ERG: variants seen among roughly 807,000 people sequenced by gnomAD.
The protein encoded by ERG is transcriptional regulator ERG.
In ERG, 9 loss-of-function variants were observed where a neutral mutation model predicts 55.3. The ratio of observed to expected loss-of-function variants is 0.16; its 90% confidence interval spans 0.10 to 0.28. The LOEUF (loss-of-function observed/expected upper bound fraction) is 0.28, where lower values mean the gene tolerates loss of function less well. Among genes scored for constraint, ERG ranks in the 10% least tolerant of loss-of-function variants. ERG has a pLI of 1.00. For missense variants in ERG, 434 were observed against 631.6 expected, an observed-to-expected ratio of 0.69 and a Z score of 3.35; for synonymous variants, 223 against 237.3, an observed-to-expected ratio of 0.94 and a Z score of 0.55.
chr21:38,433,802 A>G (rs768493386), intron 2 of ERG, among the ~76,000 whole-genome samples: 13 of 152,210 alleles, frequency 8.5e-5, no homozygotes, highest in Non-Finnish European at 1.3e-4. Flanking sequence ...GTCCAAGGCA[A>G]GTCAGAATGT....
At chr21:38,413,894 C>T (rs1989167212) in intron 3 of ERG, among the ~76,000 whole-genome samples, 3 of 152,074 alleles carry the variant, frequency 2.0e-5, no homozygotes, top group Non-Finnish European at 4.4e-5. Flanking sequence ...TACCCCTCTC[C>T]TCTCTCCATA....
chr21:38,548,020 A>G lies in ERG; in HGVS notation c.-41+27642T>C, dbSNP rs73906320. The stretch of plus-strand genomic sequence containing the variant: ...AAAACGGTATAATCATAATTGTTCT[A>G]CATTGGTAATATGTGTGATGATATT... On this transcript the variant is annotated intron_variant, in intron 2 of 8. Transcript: ENST00000398897. Among the ~76,000 whole-genome samples, 709 of 152,364 alleles carry G rather than the reference A, an allele frequency of 4.7e-3. 5 individuals carry two copies. Among genetic ancestry groups the G allele is most frequent in the African/African-American group, 0.016 (675 of 41,580 alleles).
chr21:38,399,750 C>T (rs1023335888), intron 6 of ERG, among the ~76,000 whole-genome samples: 3 of 152,234 alleles, frequency 2.0e-5, no homozygotes, highest in Non-Finnish European at 2.9e-5. Context: ...CCCACCCCTG[C>T]TCCTACGCCC....
chr21:38,567,820 C>T (rs920123973), intron 2 of ERG, among the ~76,000 whole-genome samples: 4 of 152,170 alleles, frequency 2.6e-5, no homozygotes, highest in African/African-American at 4.8e-5. Flanking sequence ...CAGATTCGGG[C>T]GCTTTCTGCA....
chr21:38,450,173 T>C (rs1440910261), intron 1 of ERG, among the ~76,000 whole-genome samples: 1 of 149,846 alleles, frequency 6.7e-6, no homozygotes, highest in Non-Finnish European at 1.5e-5. Flanking sequence ...GGGTGGGTCA[T>C]GAGTTCAGGA....
At chr21:38,415,369 G>T (rs189461475) in intron 3 of ERG, among the ~76,000 whole-genome samples, 1 of 152,168 alleles carries the variant, frequency 6.6e-6, no homozygotes, top group Non-Finnish European at 1.5e-5. Flanking sequence ...AGTAGCTGTC[G>T]TTGCTTTTTA....
chr21:38,546,267 C>T (rs898862306), intron 2 of ERG, among the ~76,000 whole-genome samples: 5 of 152,030 alleles, frequency 3.3e-5, no homozygotes, highest in Non-Finnish European at 5.9e-5. Flanking sequence ...TTTTATCTTC[C>T]TCTACTCACA....
intron 1 of ERG, among the ~76,000 whole-genome samples, chr21:38,629,384 G>C (rs748442107): frequency 2.0e-5 from 3 of 152,202 alleles, no homozygotes; most frequent in Admixed American, 6.5e-5. Context: ...CAGTGTATTA[G>C]TTAAAATCCA....
At chr21:38,584,127 T>C (rs2060047472) in intron 1 of ERG, among the ~76,000 whole-genome samples, 1 of 152,202 alleles carries the variant, frequency 6.6e-6, no homozygotes, top group Non-Finnish European at 1.5e-5. Flanking sequence ...GGACTACTAT[T>C]CCTTCCACTG....
At chr21:38,526,537 GAGTA>G (rs1189284097) in intron 2 of ERG, among the ~76,000 whole-genome samples, 1 of 152,088 alleles carries the variant, frequency 6.6e-6, no homozygotes. Context: ...ATAAAACTGT[GAGTA>G]AGATGTCTTT....
At chr21:38,447,616 T>C (rs958258626) in intron 1 of ERG, among the ~76,000 whole-genome samples, 1 of 150,996 alleles carries the variant, frequency 6.6e-6, no homozygotes, top group African/African-American at 2.4e-5. Flanking sequence ...AACACATAGA[T>C]GTGGGTTTCA....
chr21:38,581,510 A>G (rs1374400896), intron 1 of ERG, among the ~76,000 whole-genome samples: 1 of 152,232 alleles, frequency 6.6e-6, no homozygotes, highest in Non-Finnish European at 1.5e-5. Context: ...AGATAGCTTC[A>G]GGATGGGGGC....
intron 1 of ERG, among the ~76,000 whole-genome samples, chr21:38,486,443 T>C (rs550206186): frequency 8.5e-5 from 13 of 152,290 alleles, no homozygotes; most frequent in African/African-American, 2.6e-4. Flanking sequence ...GTTTGCACGA[T>C]GAAATCATCT....
intron 1 of ERG, among the ~76,000 whole-genome samples, chr21:38,472,473 T>C (rs536838194): frequency 7.2e-5 from 11 of 151,986 alleles, no homozygotes; most frequent in Non-Finnish European, 1.5e-4. Flanking sequence ...AAGACAGAGG[T>C]TGTGTCCCCA....
Position 38,412,739 on chromosome 21 carries a change from CT to C in ERG, c.389-9031del, listed in dbSNP as rs1412815138. 2.0e-5 allele frequency among the ~76,000 whole-genome samples: 3 copies of C among 152,238 alleles called. No homozygotes were observed. In the East Asian group the frequency reaches 5.8e-4, roughly 29 times the overall value. On this transcript the variant is annotated intron_variant, in intron 3 of 9. Transcript: ENST00000288319. ...TTTATTTTATACTCTTTATCCAATA[CT>C]TTAATTATTTAACCTTCTGCTTAAT...
chr21:38,631,447 T>G (rs1407012549), intron 1 of ERG, among the ~76,000 whole-genome samples: 1 of 152,174 alleles, frequency 6.6e-6, no homozygotes, highest in African/African-American at 2.4e-5. Context: ...AATTTTGCTT[T>G]TAGTGGTAAC....
intron 1 of ERG, chr21:38,660,552 C>A (rs1175833284): frequency 6.6e-6 from 1 of 152,190 alleles, no homozygotes; most frequent in African/African-American, 2.4e-5. Flanking sequence ...CGGGGGAGGG[C>A]GTGTCCCGCA....
chr21:38,371,262 A>G, the ERG span, among the ~76,000 whole-genome samples: 1 of 152,004 alleles, frequency 6.6e-6, no homozygotes, highest in Non-Finnish European at 1.5e-5. Context: ...TTTTGCTAAA[A>G]CTCTTAAATA....
chr21:38,402,929 A>G (rs768543923), intron 4 of ERG, among the ~76,000 whole-genome samples: 16 of 152,150 alleles, frequency 1.1e-4, no homozygotes, highest in Non-Finnish European at 2.1e-4. Flanking sequence ...TGTCTGTCAC[A>G]CTACTTCCTT....
Sources: gnomAD v4.1 joint callset for allele counts (sites outside exome capture counted in the v4.1 genomes callset) on GRCh38, gnomAD v4.1.1 for gene constraint, MANE v1.5 for transcripts, NCBI Gene and HGNC (gene_info 2026-07-23, HGNC 2026-07-21) for gene names.